Variants in ANK3 observed in about 807,000 individuals in gnomAD.
ANK3 encodes ankyrin-3.
Under a neutral mutation model 370.9 loss-of-function variants are expected in ANK3, and 57 were observed. That is an observed-to-expected ratio of 0.15 (90% CI 0.12 to 0.19). The LOEUF (loss-of-function observed/expected upper bound fraction) is 0.19. ANK3 is among the 10% of genes least tolerant of loss of function. ANK3 has a pLI of 1.00. For synonymous variants in ANK3, 1,929 were observed against 1,946.3 expected (o/e 0.99, Z 0.23); for missense variants, 4,439 against 5,302.1 (o/e 0.84, Z 5.06).
intron 2 of ANK3, among the ~76,000 whole-genome samples, chr10:60,600,425 A>G (rs1306138515): frequency 6.6e-6 from 1 of 152,172 alleles, no homozygotes; most frequent in East Asian, 1.9e-4. Flanking sequence ...GACTTCCATG[A>G]TCACAAAACT....
At chr10:60,035,996 A>G (rs2074873920) in intron 43 of ANK3, among the ~76,000 whole-genome samples, 1 of 152,184 alleles carries the variant, frequency 6.6e-6, no homozygotes, top group South Asian at 2.1e-4. Flanking sequence ...AATTCAGCCC[A>G]TAGCTCTGAC....
chr10:60,541,230 T>C (rs1246171558), intron 2 of ANK3, among the ~76,000 whole-genome samples: 3 of 152,100 alleles, frequency 2.0e-5, no homozygotes, highest in East Asian at 1.9e-4. Context: ...TGTATGACTC[T>C]CCTCAAAACT....
intron 2 of ANK3, among the ~76,000 whole-genome samples, chr10:60,499,759 G>A (rs2075751232): frequency 6.6e-6 from 1 of 152,062 alleles, no homozygotes; most frequent in South Asian, 2.1e-4. Context: ...AATGTTATAA[G>A]CCCATTTTAA....
chr10:60,604,504 C>T (rs2133309466), intron 2 of ANK3, among the ~76,000 whole-genome samples: 1 of 152,252 alleles, frequency 6.6e-6, no homozygotes. Flanking sequence ...AATATTGCCT[C>T]TAATTTGATT....
chr10:60,554,529 T>C (rs1243160269), intron 2 of ANK3, among the ~76,000 whole-genome samples: 1 of 152,134 alleles, frequency 6.6e-6, no homozygotes, highest in Non-Finnish European at 1.5e-5. Flanking sequence ...TGCAATGGTA[T>C]CAGGTTTTGT....
intron 1 of ANK3, among the ~76,000 whole-genome samples, chr10:60,362,724 G>A (rs2058795569): frequency 6.6e-6 from 1 of 152,124 alleles, no homozygotes; most frequent in Non-Finnish European, 1.5e-5. Flanking sequence ...ACACTGAGAG[G>A]ATCCCCACAC....
chr10:60,369,341 G>A (rs772899090), intron 1 of ANK3, among the ~76,000 whole-genome samples: 2 of 152,146 alleles, frequency 1.3e-5, no homozygotes, highest in African/African-American at 2.4e-5. Flanking sequence ...TGCCGAGAAT[G>A]CAACTAGAAG....
At chr10:60,635,615 C>T (rs908353442) in intron 1 of ANK3, among the ~76,000 whole-genome samples, 4 of 151,838 alleles carry the variant, frequency 2.6e-5, no homozygotes, top group African/African-American at 7.3e-5. Flanking sequence ...AGGTATTTGC[C>T]CAAAACTCAA....
chr10:60,507,649 AAAGT>A (rs1430607270), intron 2 of ANK3: 1 of 152,026 alleles, frequency 6.6e-6, no homozygotes, highest in Admixed American at 6.6e-5. Context: ...TCAGAGTGAA[AAAGT>A]AATAACCATT....
chr10:60,212,535 A>G (rs1224912122), intron 9 of ANK3, among the ~76,000 whole-genome samples: 2 of 152,160 alleles, frequency 1.3e-5, no homozygotes. Flanking sequence ...TGAAAACATC[A>G]TGGCTGTTTA....
intron 2 of ANK3, among the ~76,000 whole-genome samples, chr10:60,553,583 A>G (rs1031771659): frequency 3.9e-5 from 6 of 152,082 alleles, no homozygotes; most frequent in Non-Finnish European, 2.9e-5. Context: ...TATTCCTTCT[A>G]TTACTCAAAA....
At chr10:60,367,242 A>T (rs2059507944) in intron 1 of ANK3, among the ~76,000 whole-genome samples, 1 of 152,218 alleles carries the variant, frequency 6.6e-6, no homozygotes, top group South Asian at 2.1e-4. Context: ...TTGGCGTGAC[A>T]TCTGACGGAA....
At chr10:60,523,316 T>C (rs1374468477) in intron 2 of ANK3, among the ~76,000 whole-genome samples, 2 of 151,970 alleles carry the variant, frequency 1.3e-5, no homozygotes, top group Non-Finnish European at 2.9e-5. Flanking sequence ...GGTATACATG[T>C]GCCATGTTGG....
intron 17 of ANK3, 71 bp from the exon 18 acceptor site, chr10:60,181,498 C>T (rs1370279457): frequency 2.2e-6 from 3 of 1,392,664 alleles, no homozygotes; most frequent in Non-Finnish European, 3.0e-6. Flanking sequence ...GTTTGAGAAA[C>T]CATTTGTGAA....
At chr10:60,111,869 C>G in intron 26 of ANK3, 1 of 426,662 alleles carries the variant, frequency 2.3e-6, no homozygotes, top group South Asian at 1.7e-5. Flanking sequence ...TAAAAACCAT[C>G]AGAAAATGAA....
At chr10:60,713,658 G>A (rs1356050902) in intron 1 of ANK3, among the ~76,000 whole-genome samples, 1 of 152,178 alleles carries the variant, frequency 6.6e-6, no homozygotes, top group Non-Finnish European at 1.5e-5. Context: ...GGGATGCCAA[G>A]GCGGGCAGAT....
intron 1 of ANK3, among the ~76,000 whole-genome samples, chr10:60,674,955 G>A (rs2079106637): frequency 6.6e-6 from 1 of 152,132 alleles, no homozygotes; most frequent in Admixed American, 6.5e-5. Context: ...ATATATTTGA[G>A]TCCTGGTATC....
In ANK3 at chr10:60,263,361, G is replaced by A. The variant is rs147360864; in HGVS notation, c.699+474C>T. ...ACATTTCCGTCACAGAGACTTTCAG[G>A]TACCACATGTCAAGACGATGGGAAT... On this transcript the variant is annotated intron_variant, in intron 6 of 43. Coordinates refer to ENST00000280772, the MANE Select transcript of ANK3 (RefSeq NM_020987.5). Among the ~76,000 whole-genome samples, 453 of 152,264 alleles carry A rather than the reference G, an allele frequency of 3.0e-3. 9 individuals are homozygous for A. Among genetic ancestry groups the A allele is most frequent in the Non-Finnish European group, 8.5e-4 (58 of 68,026 alleles).
intron 5 of ANK3, 27 bp from the exon 6 acceptor site, chr10:60,264,047 G>T: frequency 6.4e-7 from 1 of 1,572,720 alleles, no homozygotes; most frequent in Non-Finnish European, 8.7e-7. Context: ...GGGTCAAGAT[G>T]GGCTCCAATG....
Sources: allele counts gnomAD v4.1 joint callset (sites outside exome capture counted in the v4.1 genomes callset), GRCh38; gene constraint gnomAD v4.1.1; transcripts MANE v1.5; gene names NCBI Gene and HGNC (gene_info 2026-07-23, HGNC 2026-07-21).